Variants in CADM2 observed in about 807,000 individuals in gnomAD.
CADM2 encodes immunoglobulin superfamily member 4D.
A neutral mutation model predicts 49.8 loss-of-function variants in CADM2; 12 were observed. The observed-to-expected ratio is 0.24, with a 90% CI of 0.15 to 0.39. The LOEUF (loss-of-function observed/expected upper bound fraction) is 0.39, where lower values mean the gene tolerates loss of function less well. Ranked by LOEUF, CADM2 falls within the 10% of genes least tolerant of loss-of-function variation. CADM2 has a pLI of 1.00. For synonymous variants in CADM2, 214 were observed against 175.4 expected (o/e 1.22, Z -1.74); for missense variants, 378 against 492.3 (o/e 0.77, Z 2.20).
At chr3:85,064,338 C>A (rs2036445673) in intron 1 of CADM2, among the ~76,000 whole-genome samples, 1 of 152,030 alleles carries the variant, frequency 6.6e-6, no homozygotes, top group Admixed American at 6.6e-5. Flanking sequence ...ATGATTCTCC[C>A]ATAAGGGTTT....
intron 1 of CADM2, among the ~76,000 whole-genome samples, chr3:85,389,987 T>C (rs1180579380): frequency 1.3e-5 from 2 of 152,012 alleles, no homozygotes; most frequent in Non-Finnish European, 2.9e-5. Flanking sequence ...CAAGTCAGCA[T>C]CCTAATTTCA....
At chr3:85,856,596 C>G (rs947492228) in intron 3 of CADM2, among the ~76,000 whole-genome samples, 1 of 152,066 alleles carries the variant, frequency 6.6e-6, no homozygotes, top group African/African-American at 2.4e-5. Context: ...TCAAGGATTA[C>G]AGGCATCAAT....
intron 1 of CADM2, among the ~76,000 whole-genome samples, chr3:85,625,338 T>C (rs977487578): frequency 2.6e-5 from 4 of 152,232 alleles, no homozygotes; most frequent in Admixed American, 2.0e-4. Context: ...CTACTACGTA[T>C]GTTTTTAAAG....
intron 2 of CADM2, among the ~76,000 whole-genome samples, chr3:85,774,595 A>G (rs1296190587): frequency 1.3e-5 from 2 of 151,402 alleles, no homozygotes; most frequent in Admixed American, 1.3e-4. Flanking sequence ...AAATATTGCT[A>G]CTGTTTATCT....
Position 85,541,775 on chromosome 3 carries a change from TTATATATA to T in CADM2, c.62-184735_62-184728del, listed in dbSNP as rs10576590. On this transcript the variant is annotated intron_variant, in intron 1 of 9. Transcript: ENST00000383699. Reference sequence around the variant, plus strand: ...ATATTTTATATATATATTTTATATTTTATATATATATATATATATGTATAGTGTTTATG... The same window carrying T: ...ATATTTTATATATATATTTTATATTTTATATATATATGTATAGTGTTTATG... 2.8e-4 allele frequency among the ~76,000 whole-genome samples: 25 copies of T among 88,310 alleles called. 1 individual carries two copies. The highest frequency in any genetic ancestry group is 7.8e-4 in the African/African-American group (24 of 30,736). 57.9% of individuals were successfully genotyped at this position (88,310 alleles called of 152,430 possible).
chr3:85,633,156 G>C (rs763893010), intron 1 of CADM2, among the ~76,000 whole-genome samples: 4 of 151,986 alleles, frequency 2.6e-5, no homozygotes, highest in Admixed American at 6.6e-5. Flanking sequence ...ATTAAACCAT[G>C]ATTAATCATC....
At chr3:85,200,956 G>A (rs1427675429) in intron 1 of CADM2, among the ~76,000 whole-genome samples, 2 of 152,034 alleles carry the variant, frequency 1.3e-5, no homozygotes, top group Non-Finnish European at 2.9e-5. Context: ...ACAAATGTGT[G>A]TGCTCTAACT....
rs138168270 is a variant in CADM2 at position 85,193,080 on chromosome 3, A to G, written c.61+233412A>G. On this transcript the variant is annotated intron_variant, in intron 1 of 9. Transcript: ENST00000383699. ...GAAGTTCCAGAAATCACAATGGTAT[A>G]AATAAAGAAGAAGTGTGACTACATT... 3.2e-3 allele frequency among the ~76,000 whole-genome samples: 488 copies of G among 152,222 alleles called. 1 individual carries two copies. Among genetic ancestry groups the G allele is most frequent in the South Asian group, 0.012 (57 of 4,830 alleles).
intron 1 of CADM2, among the ~76,000 whole-genome samples, chr3:85,268,130 T>G (rs2043159806): frequency 6.6e-6 from 1 of 151,432 alleles, no homozygotes; most frequent in Admixed American, 6.6e-5. Flanking sequence ...AAAGAATTCC[T>G]GAGGAAGTGA....
intron 1 of CADM2, among the ~76,000 whole-genome samples, chr3:85,144,603 C>G (rs1441347119): frequency 1.0e-5 from 1 of 99,910 alleles, no homozygotes; most frequent in Non-Finnish European, 1.8e-5. Flanking sequence ...CAGAGTGAGA[C>G]TCCATCTCAA....
intron 1 of CADM2, among the ~76,000 whole-genome samples, chr3:85,724,974 A>G (rs2107778415): frequency 6.6e-6 from 1 of 152,012 alleles, no homozygotes; most frequent in Non-Finnish European, 1.5e-5. Context: ...TAGTAAATAT[A>G]TCAAAGAACA....
chr3:84,967,033 A>C (rs1352628452), intron 1 of CADM2, among the ~76,000 whole-genome samples: 2 of 152,084 alleles, frequency 1.3e-5, no homozygotes, highest in Non-Finnish European at 2.9e-5. Context: ...TGAGTTTCTA[A>C]AAATTTTATA....
intron 1 of CADM2, among the ~76,000 whole-genome samples, chr3:85,062,877 TTTAA>T (rs1284277218): frequency 6.6e-6 from 1 of 151,884 alleles, no homozygotes; most frequent in East Asian, 1.9e-4. Flanking sequence ...ACAAATATTA[TTTAA>T]TTACCGTCTT....
chr3:85,534,941 A>G (rs2061393748), intron 1 of CADM2, among the ~76,000 whole-genome samples: 1 of 152,114 alleles, frequency 6.6e-6, no homozygotes, highest in Admixed American at 6.6e-5. Context: ...GGGAATGCTG[A>G]GTGTTACAGT....
intron 1 of CADM2, among the ~76,000 whole-genome samples, chr3:85,326,059 C>A (rs752844312): frequency 1.3e-5 from 2 of 152,100 alleles, no homozygotes; most frequent in African/African-American, 4.8e-5. Context: ...GAATGATACA[C>A]GATGTCCTCT....
intron 2 of CADM2, among the ~76,000 whole-genome samples, chr3:85,732,227 C>T (rs180914058): frequency 6.6e-5 from 10 of 151,748 alleles, no homozygotes; most frequent in Admixed American, 6.6e-4. Context: ...CACCATTGCA[C>T]TCCAGCCTGG....
intron 1 of CADM2, among the ~76,000 whole-genome samples, chr3:85,638,453 CAA>C (rs1248790367): frequency 1.3e-5 from 2 of 151,972 alleles, no homozygotes; most frequent in East Asian, 3.9e-4. Flanking sequence ...GTTATTTCCT[CAA>C]AGTTATGATT....
chr3:85,279,875 T>C (rs2106883077), intron 1 of CADM2, among the ~76,000 whole-genome samples: 1 of 151,766 alleles, frequency 6.6e-6, no homozygotes, highest in Non-Finnish European at 1.5e-5. Flanking sequence ...ACTTTTTAAT[T>C]GGGTTATTAG....
intron 1 of CADM2, among the ~76,000 whole-genome samples, chr3:85,025,064 A>G (rs2034667502): frequency 6.6e-6 from 1 of 152,110 alleles, no homozygotes; most frequent in Non-Finnish European, 1.5e-5. Context: ...AAACTAACTT[A>G]CTCTTTGTCA....
Sources: allele counts gnomAD v4.1 joint callset (sites outside exome capture counted in the v4.1 genomes callset), GRCh38; gene constraint gnomAD v4.1.1; transcripts MANE v1.5; gene names NCBI Gene and HGNC (gene_info 2026-07-23, HGNC 2026-07-21).